Variants in RGS6 observed in about 807,000 individuals in gnomAD.
RGS6 encodes regulator of G protein signaling 6, also known as regulator of G-protein signaling 6.
RGS6 carries 30 observed loss-of-function variants against 78.5 expected under a neutral mutation model. The observed-to-expected ratio is 0.38, with a 90% CI of 0.29 to 0.52. The LOEUF (loss-of-function observed/expected upper bound fraction) is 0.52, where lower values mean the gene tolerates loss of function less well. Ranked by LOEUF, RGS6 falls within the 20% of genes least tolerant of loss-of-function variation. RGS6 has a pLI of 0.85. For synonymous variants in RGS6, 206 were observed against 206.0 expected (o/e 1.00, Z 0.00); for missense variants, 495 against 609.7 (o/e 0.81, Z 1.98).
chr14:72,331,699 A>T (rs1479551056), intron 2 of RGS6, among the ~76,000 whole-genome samples: 1 of 151,656 alleles, frequency 6.6e-6, no homozygotes, highest in Non-Finnish European at 1.5e-5. Context: ...TTTCTTTAGC[A>T]CAGAGCTCTG....
chr14:71,955,261 A>C (rs1026057078), intron 1 of RGS6, among the ~76,000 whole-genome samples: 7 of 152,162 alleles, frequency 4.6e-5, no homozygotes, highest in African/African-American at 1.4e-4. Flanking sequence ...GGTAGGGCAT[A>C]TGTGAGCAGT....
intron 3 of RGS6, among the ~76,000 whole-genome samples, chr14:72,427,579 C>A (rs2094479420): frequency 6.6e-6 from 1 of 152,166 alleles, no homozygotes; most frequent in South Asian, 2.1e-4. Flanking sequence ...ACTCATTTTC[C>A]CTCCTAACCC....
rs368712483 is a variant in RGS6, at chr14:72,186,992, G to A, written c.85-165103G>A. ...GAAAGGGTCAGTTTCTCCCTGAATG[G>A]AAAGTGTCAAAAAATGGCCATTTAG... On this transcript the variant is annotated intron_variant, in intron 2 of 17. Coordinates refer to ENST00000553525, the MANE Select transcript of RGS6 (RefSeq NM_001204424.2). Among the ~76,000 whole-genome samples the A allele has an allele frequency of 3.3e-5, 5 of 152,240 alleles. No homozygotes were observed. The East Asian group carries it at 9.7e-4, about 29-fold the overall frequency.
In RGS6 at chr14:72,267,181, C is replaced by T. The variant is rs371230742; in HGVS notation, c.85-84914C>T. On this transcript the variant is annotated intron_variant, in intron 2 of 17. Transcript: ENST00000553525. ...GGCCAGGCTGGTCTCAAACTCCTGACCTCAAGTGATCCGCCTGCCTCAGTC... is the reference window on the plus strand; with the variant it reads ...GGCCAGGCTGGTCTCAAACTCCTGATCTCAAGTGATCCGCCTGCCTCAGTC... 3.0e-3 allele frequency among the ~76,000 whole-genome samples: 462 copies of T among 152,258 alleles called. 1 individual carries two copies. The highest frequency in any genetic ancestry group is 0.011 in the African/African-American group (446 of 41,548).
At chr14:72,606,783 T>C in the RGS6 span, among the ~76,000 whole-genome samples, 2 of 152,244 alleles carry the variant, frequency 1.3e-5, no homozygotes, top group East Asian at 1.9e-4. Flanking sequence ...CTTTGTGCCC[T>C]CCCAGCGGTA....
intron 3 of RGS6, among the ~76,000 whole-genome samples, chr14:72,360,305 A>G (rs923339149): frequency 6.6e-6 from 1 of 152,058 alleles, no homozygotes; most frequent in African/African-American, 2.4e-5. Context: ...GCAGATCACA[A>G]GGTCAGGAAA....
chr14:72,378,465 A>G (rs2085282720), intron 3 of RGS6, among the ~76,000 whole-genome samples: 1 of 152,098 alleles, frequency 6.6e-6, no homozygotes, highest in Non-Finnish European at 1.5e-5. Flanking sequence ...TTAGCTACAC[A>G]ATGAAAAAAA....
At chr14:71,916,117 T>C in the RGS6 span, among the ~76,000 whole-genome samples, 5 of 152,232 alleles carry the variant, frequency 3.3e-5, no homozygotes, top group African/African-American at 1.2e-4. Context: ...GTGACCAAAA[T>C]GGTCTAATCA....
rs202014061 is a variant in RGS6, at chr14:72,416,543, GA to G, written c.185-37975del. On this transcript the variant is annotated intron_variant, in intron 3 of 17. Transcript: ENST00000553525. ...TATAAAGTGATTCCTCCCCTACCAA[GA>G]AAAAAAAAATTAAGCTGAAATCCTC... Among the ~76,000 whole-genome samples the G allele has an allele frequency of 5.1e-3, 764 of 150,426 alleles. 8 individuals are homozygous for G. Among genetic ancestry groups the G allele is most frequent in the African/African-American group, 0.017 (709 of 41,086 alleles).
At chr14:72,553,638 G>A (rs2153536985) in intron 17 of RGS6, among the ~76,000 whole-genome samples, 1 of 152,318 alleles carries the variant, frequency 6.6e-6, no homozygotes, top group South Asian at 2.1e-4. Context: ...CAGAGGCAAT[G>A]TGCAGATAAC....
intron 2 of RGS6, among the ~76,000 whole-genome samples, chr14:72,283,261 C>G (rs143373778): frequency 6.6e-6 from 1 of 152,238 alleles, no homozygotes; most frequent in African/African-American, 2.4e-5. Flanking sequence ...TCTTCAAGAT[C>G]CTGATTTCAG....
chr14:72,376,879 A>C (rs2084887298), intron 3 of RGS6, among the ~76,000 whole-genome samples: 2 of 152,188 alleles, frequency 1.3e-5, no homozygotes, highest in African/African-American at 4.8e-5. Flanking sequence ...CTGTCATGAA[A>C]GCATGCAGAA....
At chr14:72,518,315 C>T (rs554085878) in intron 14 of RGS6, 36 bp from the exon 15 acceptor site, 14 of 1,590,592 alleles carry the variant, frequency 8.8e-6, no homozygotes, top group South Asian at 6.7e-5. Flanking sequence ...GATGCTGAGC[C>T]CCCTGGAACT....
At chr14:72,550,551 A>G in intron 17 of RGS6, 1 of 1,535,680 alleles carries the variant, frequency 6.5e-7, no homozygotes. Context: ...GACAACACTT[A>G]ACCCAACCTT....
intron 2 of RGS6, among the ~76,000 whole-genome samples, chr14:72,252,093 C>T (rs1385533334): frequency 6.6e-6 from 1 of 152,120 alleles, no homozygotes; most frequent in South Asian, 2.1e-4. Flanking sequence ...AAGATGGATG[C>T]ACTTGTGCTT....
intron 17 of RGS6, among the ~76,000 whole-genome samples, chr14:72,549,189 T>TC: frequency 1.3e-5 from 2 of 152,092 alleles, no homozygotes; most frequent in South Asian, 4.2e-4. Flanking sequence ...AGGGAAACCG[T>TC]CAGGAAGTGG....
intron 15 of RGS6, among the ~76,000 whole-genome samples, chr14:72,532,450 C>T (rs953591328): frequency 2.0e-5 from 3 of 152,202 alleles, no homozygotes; most frequent in Non-Finnish European, 2.9e-5. Flanking sequence ...CAATTAATAA[C>T]TCTGCAGTGG....
chr14:72,286,647 G>A (rs1358510304), intron 2 of RGS6, among the ~76,000 whole-genome samples: 1 of 152,046 alleles, frequency 6.6e-6, no homozygotes, highest in East Asian at 1.9e-4. Context: ...CAAACACAGG[G>A]TATCTTTCCA....
intron 2 of RGS6, among the ~76,000 whole-genome samples, chr14:72,098,321 T>G (rs2095452467): frequency 6.6e-6 from 1 of 152,238 alleles, no homozygotes; most frequent in African/African-American, 2.4e-5. Flanking sequence ...GCTAAGATAA[T>G]AGGCTCCTGT....
Sources: allele counts gnomAD v4.1 joint callset (sites outside exome capture counted in the v4.1 genomes callset), GRCh38; gene constraint gnomAD v4.1.1; transcripts MANE v1.5; gene names NCBI Gene and HGNC (gene_info 2026-07-23, HGNC 2026-07-21).